FGFR2: variants seen among roughly 807,000 people sequenced by gnomAD.
The protein encoded by FGFR2 is BEK fibroblast growth factor receptor.
In FGFR2, 19 loss-of-function variants were observed where a neutral mutation model predicts 95.9. The ratio of observed to expected loss-of-function variants is 0.20; its 90% CI spans 0.14 to 0.29. The LOEUF (loss-of-function observed/expected upper bound fraction) is 0.29, where lower values mean the gene tolerates loss of function less well. FGFR2 is among the 10% of genes least tolerant of loss of function. The pLI, the probability that FGFR2 is intolerant of heterozygous loss-of-function variation, is 1.00. For synonymous variants in FGFR2, 392 were observed against 393.3 expected, an observed-to-expected ratio of 1.00 and a Z score of 0.04; for missense variants, 707 against 1,056.9, an observed-to-expected ratio of 0.67 and a Z score of 4.59.
At chr10:121,481,567 T>C (rs2133718563) in intron 17 of FGFR2, among the ~76,000 whole-genome samples, 2 of 152,304 alleles carry the variant, frequency 1.3e-5, no homozygotes, top group Middle Eastern at 6.8e-3. Flanking sequence ...AGAGAACTTT[T>C]TGCTTACAAT....
intron 13 of FGFR2, 28 bp downstream of exon 13, chr10:121,496,504 C>T (rs2133931024): frequency 6.2e-7 from 1 of 1,611,340 alleles, no homozygotes; most frequent in Admixed American, 1.7e-5. Flanking sequence ...TGGATTCCAC[C>T]CAGCCAAGTA....
At chr10:121,577,001 G>T (rs1201324968) in intron 2 of FGFR2, among the ~76,000 whole-genome samples, 13 of 150,584 alleles carry the variant, frequency 8.6e-5, no homozygotes, top group Non-Finnish European at 1.8e-4. Flanking sequence ...TGGGCATGGT[G>T]GCAGGCGCCT....
intron 4 of FGFR2, among the ~76,000 whole-genome samples, chr10:121,554,739 T>C (rs1250590687): frequency 6.6e-6 from 1 of 152,090 alleles, no homozygotes; most frequent in Non-Finnish European, 1.5e-5. Context: ...CTTGAATCTG[T>C]AAGATCTAGA....
intron 6 of FGFR2, chr10:121,526,769 T>C: frequency 2.5e-6 from 1 of 398,664 alleles, no homozygotes. Context: ...GGAAGGTCAC[T>C]GGTTTGTTGC....
intron 6 of FGFR2, chr10:121,526,906 C>T (rs911996015): frequency 7.6e-6 from 3 of 395,842 alleles, no homozygotes; most frequent in Admixed American, 4.4e-5. Context: ...TCGGCTGGGG[C>T]TCCCACTTCC....
chr10:121,584,969 C>T (rs1861604788), intron 2 of FGFR2, among the ~76,000 whole-genome samples: 1 of 150,964 alleles, frequency 6.6e-6, no homozygotes, highest in Non-Finnish European at 1.5e-5. Context: ...CCTCTCCATC[C>T]CGCACCCCAC....
rs1012781884 is a variant in FGFR2 at position 121,595,561 on chromosome 10, T to C, written c.-150-1594A>G. ...AGCTTGAAAGATTTTTCCTCTTAACTTTTCTTTCCTCTTAGTCAAGAGCCT... is the reference window on the plus strand; with the variant it reads ...AGCTTGAAAGATTTTTCCTCTTAACCTTTCTTTCCTCTTAGTCAAGAGCCT... On this transcript the variant is annotated intron_variant, in intron 1 of 17. Transcript: ENST00000358487. 7.2e-5 allele frequency among the ~76,000 whole-genome samples: 11 copies of C among 152,344 alleles called. No homozygotes were observed. The South Asian group carries it at 1.5e-3, about 20-fold the overall frequency.
intron 2 of FGFR2, among the ~76,000 whole-genome samples, chr10:121,569,224 CTTT>C (rs749808833): frequency 1.2e-5 from 1 of 83,810 alleles, no homozygotes. Context: ...CTTTTCTTTT[CTTT>C]TTTTTTTTTT....
intron 2 of FGFR2, among the ~76,000 whole-genome samples, chr10:121,592,574 T>C (rs1236658448): frequency 6.6e-6 from 1 of 152,156 alleles, no homozygotes; most frequent in Non-Finnish European, 1.5e-5. Flanking sequence ...GGGGAGCCCA[T>C]GTCTCTCAGA....
In FGFR2 at chr10:121,518,596, C is replaced by T. The variant is rs1324595398; in HGVS notation, c.940-1133G>A. ...GCCACAAGAGTTATCCTATAAGCTG[C>T]CTGCAGTCTCCCAAAGCACCAAGTC... On this transcript the variant is annotated intron_variant, in intron 7 of 17. Coordinates refer to ENST00000358487, the MANE Select transcript of FGFR2 (RefSeq NM_000141.5). This position sits in a 1 kb window ranked among gnomAD's most constrained non-coding sequence, Gnocchi z 4.0. The T allele has an allele frequency of 2.0e-6, 3 of 1,487,132 alleles. No individual in the cohort carries two copies. Among genetic ancestry groups the T allele is most frequent in the Admixed American group, 1.7e-5 (1 of 58,238 alleles). The allele number at this position is 1,487,132 out of a possible 1,614,324, so 92.1% of individuals were successfully genotyped here. A position where few individuals can be genotyped will look rare whatever the true frequency, so the allele number is the denominator to read the frequency against.
chr10:121,503,947 T>C lies in FGFR2; in HGVS notation c.1288-6A>G, dbSNP rs755469255. The C allele has an allele frequency of 3.0e-5, 48 of 1,613,870 alleles. No homozygotes were observed. The highest frequency in any genetic ancestry group is 3.9e-5 in the Non-Finnish European group (46 of 1,179,980). On this transcript the variant is annotated splice_region_variant and splice_polypyrimidine_tract_variant and intron_variant, in intron 9 of 17. Transcript: ENST00000358487. ...GAGCTGGACTCAGCCGAAACCTGGATACAAAATGCAAAGACACAGATGTAA... is the reference window on the plus strand; with the variant it reads ...GAGCTGGACTCAGCCGAAACCTGGACACAAAATGCAAAGACACAGATGTAA...
intron 13 of FGFR2, among the ~76,000 whole-genome samples, chr10:121,495,502 T>G (rs577208431): frequency 6.6e-6 from 1 of 152,220 alleles, no homozygotes; most frequent in South Asian, 2.1e-4. Flanking sequence ...CACTCCAGCC[T>G]GTTTGAAAGA....
At chr10:121,584,381 A>G (rs1590090695) in intron 2 of FGFR2, among the ~76,000 whole-genome samples, 2 of 98,010 alleles carry the variant, frequency 2.0e-5, no homozygotes, top group African/African-American at 4.0e-5. Context: ...TCCATCCCGC[A>G]CCCCACCCCA....
chr10:121,584,224 AATC>A (rs1004697307), intron 2 of FGFR2, among the ~76,000 whole-genome samples: 1 of 151,798 alleles, frequency 6.6e-6, no homozygotes, highest in African/African-American at 2.4e-5. Flanking sequence ...TGCAGACAAA[AATC>A]TCATCTAGGA....
chr10:121,585,413 G>A (rs1230760273), intron 2 of FGFR2, among the ~76,000 whole-genome samples: 1 of 152,212 alleles, frequency 6.6e-6, no homozygotes. Context: ...GTTGGTCCAG[G>A]AAATGTTGAC....
chr10:121,545,918 C>T (rs1281917667), intron 5 of FGFR2, among the ~76,000 whole-genome samples: 1 of 152,096 alleles, frequency 6.6e-6, no homozygotes, highest in African/African-American at 2.4e-5. Flanking sequence ...CCCTGTAATA[C>T]CCAACGCTGA....
chr10:121,485,522 C>T lies in FGFR2; in HGVS notation c.2068G>A (p.Gly690Arg), dbSNP rs1311258996. Residue 690 changes from glycine to arginine, a missense_variant, in exon 16 of 18, where the codon GGG (glycine) becomes AGG (arginine). This residue lies in a region of FGFR2 where 104 missense variants were observed against 214.2 expected (regional missense o/e 0.49). Coordinates refer to ENST00000358487, the MANE Select transcript of FGFR2 (RefSeq NM_000141.5). This position sits in a 1 kb window ranked among gnomAD's most constrained non-coding sequence, Gnocchi z 4.2. ...YTHQSDVWSF[G>R]VLMWEIFTLG... Reference sequence around the variant, plus strand: ...GTGAAGATCTCCCACATTAACACCCCGAAGGACCAGCTGCAACAAAAGGAG... The same window carrying T: ...GTGAAGATCTCCCACATTAACACCCTGAAGGACCAGCTGCAACAAAAGGAG... The T allele has an allele frequency of 1.2e-6, 2 of 1,613,872 alleles. No individual in the cohort carries two copies. The highest frequency in any genetic ancestry group is 1.3e-5 in the African/African-American group (1 of 74,832).
chr10:121,587,898 A>G (rs45631587), intron 2 of FGFR2, among the ~76,000 whole-genome samples: 109 of 152,344 alleles, frequency 7.2e-4, no homozygotes, highest in Non-Finnish European at 1.3e-3. Flanking sequence ...CTGGGTATAT[A>G]CCCAGAGGAA....
intron 6 of FGFR2, 126 bp downstream of exon 6, chr10:121,538,462 TAGAA>T: frequency 7.6e-7 from 1 of 1,314,782 alleles, no homozygotes; most frequent in Non-Finnish European, 1.1e-6. Context: ...AAAATGATAG[TAGAA>T]AGAATAAGAA....
Sources: gnomAD v4.1 joint callset for allele counts (sites outside exome capture counted in the v4.1 genomes callset) on GRCh38, gnomAD v4.1.1 for gene constraint, gnomAD v4.1.1 regional missense constraint, Gnocchi (gnomAD v3.1) non-coding constraint, MANE v1.5 for transcripts, NCBI Gene and HGNC (gene_info 2026-07-23, HGNC 2026-07-21) for gene names.